The following SMG1 variants were observed in gnomAD, a reference collection of about 807,000 sequenced individuals.
SMG1 encodes the protein serine/threonine-protein kinase SMG1.
A neutral mutation model predicts 419.9 loss-of-function variants in SMG1; 22 were observed. That is an observed-to-expected ratio of 0.05 (90% CI 0.04 to 0.07). The LOEUF (loss-of-function observed/expected upper bound fraction) is 0.07, where lower values mean the gene tolerates loss of function less well. Among genes scored for constraint, SMG1 ranks in the 10% least tolerant of loss-of-function variants. The probability of loss-of-function intolerance (pLI) is 1.00; values close to 1 mark genes in which losing one functional copy is unlikely to be tolerated. For missense variants in SMG1, 3,185 were observed against 4,342.0 expected, an observed-to-expected ratio of 0.73 and a Z score of 7.49; for synonymous variants, 1,538 against 1,553.5, an observed-to-expected ratio of 0.99 and a Z score of 0.23.
At chr16:18,914,792 C>A (rs1460798117) in intron 1 of SMG1, among the ~76,000 whole-genome samples, 1 of 152,096 alleles carries the variant, frequency 6.6e-6, no homozygotes, top group Non-Finnish European at 1.5e-5. Context: ...GAAGGCTCAA[C>A]CCAGTGCTTA....
chr16:18,926,196 C>CGGA lies in SMG1; in HGVS notation c.-158_-156dup. 1.6e-6 allele frequency: 1 copy of CGGA among 638,756 alleles called. No individual in the cohort carries two copies. Among genetic ancestry groups the CGGA allele is most frequent in the South Asian group, 2.1e-5 (1 of 48,330 alleles). The allele number at this position is 638,756 out of a possible 1,614,324, so 39.6% of individuals were successfully genotyped here. ...GAGGAGGAGGAGAAGGAGGAGGCGG[C>CGGA]GGAGGGCGGGGGAAGAGGACGGCCG... On this transcript the variant is annotated 5_prime_UTR_variant, in exon 1 of 63. Transcript: ENST00000446231.
chr16:18,921,537 T>C (rs1172974149), intron 1 of SMG1, among the ~76,000 whole-genome samples: 2 of 152,204 alleles, frequency 1.3e-5, no homozygotes, highest in African/African-American at 4.8e-5. Context: ...CACTGAATTC[T>C]ATTTGACTCT....
In SMG1 at chr16:18,863,644, C is replaced by A; in HGVS notation, c.3695+6G>T. The A allele has an allele frequency of 6.3e-7, 1 of 1,592,716 alleles. No individual in the cohort carries two copies. The highest frequency in any genetic ancestry group is 8.5e-7 in the Non-Finnish European group (1 of 1,176,532). On this transcript the variant is annotated splice_donor_region_variant and intron_variant, in intron 25 of 62. Coordinates refer to ENST00000446231, the MANE Select transcript of SMG1 (RefSeq NM_015092.5). ...TTGTTTTATAACTGGAAAAAGTAAG[C>A]CTTACTTTATATAGTTGAAGTCAGC...
At chr16:18,903,662 T>C (rs1386403721) in intron 1 of SMG1, among the ~76,000 whole-genome samples, 1 of 152,224 alleles carries the variant, frequency 6.6e-6, no homozygotes, top group Non-Finnish European at 1.5e-5. Flanking sequence ...CTATTAGTTA[T>C]AACTTGATGA....
chr16:18,843,360 G>A (rs530683248), intron 39 of SMG1, among the ~76,000 whole-genome samples: 87 of 152,304 alleles, frequency 5.7e-4, no homozygotes, highest in African/African-American at 1.9e-3. Context: ...GACCACTTGA[G>A]GTTTGCAGAA....
At chr16:18,920,210 C>T (rs890783030) in intron 1 of SMG1, among the ~76,000 whole-genome samples, 2 of 151,866 alleles carry the variant, frequency 1.3e-5, no homozygotes, top group African/African-American at 2.4e-5. Context: ...GGTGAAACCC[C>T]GTCTCTACTA....
At chr16:18,819,138 A>C (rs1161427690) in intron 56 of SMG1, among the ~76,000 whole-genome samples, 1 of 152,202 alleles carries the variant, frequency 6.6e-6, no homozygotes, top group Non-Finnish European at 1.5e-5. Context: ...AGGTCTTAAG[A>C]CGTTTTATTG....
intron 23 of SMG1, among the ~76,000 whole-genome samples, chr16:18,864,865 T>G (rs1347641211): frequency 6.6e-6 from 1 of 152,092 alleles, no homozygotes; most frequent in Non-Finnish European, 1.5e-5. Flanking sequence ...AAACAGTGAG[T>G]CGACTATGGT....
intron 62 of SMG1, among the ~76,000 whole-genome samples, 168 bp downstream of exon 62, chr16:18,811,593 G>A (rs1049095915): frequency 2.6e-5 from 4 of 152,222 alleles, no homozygotes; most frequent in Non-Finnish European, 4.4e-5. Context: ...GAGTAAAATG[G>A]TGACTACTTG....
At chr16:18,882,572 TAAATC>T (rs1034874475) in intron 9 of SMG1, among the ~76,000 whole-genome samples, 1 of 152,174 alleles carries the variant, frequency 6.6e-6, no homozygotes, top group African/African-American at 2.4e-5. Flanking sequence ...AATAATCTCT[TAAATC>T]AACTCAGAAA....
chr16:18,921,008 T>C (rs576195548), intron 1 of SMG1, among the ~76,000 whole-genome samples: 10 of 152,092 alleles, frequency 6.6e-5, no homozygotes, highest in Non-Finnish European at 1.2e-4. Flanking sequence ...CATAGTGGCA[T>C]GTACCTGTAT....
At chr16:18,859,845 G>C (rs1442335560) in intron 26 of SMG1, 142 bp from the exon 27 acceptor site, 12 of 564,170 alleles carry the variant, frequency 2.1e-5, no homozygotes, top group South Asian at 5.4e-5. Context: ...GCATTACTGA[G>C]AGCTATATAA....
At position 18,919,650 on chromosome 16, in the gene SMG1, GTATA is replaced by G. The variant is rs1555507750; in HGVS notation, c.92+6296_92+6299del. Among the ~76,000 whole-genome samples, 108 of 82,064 alleles carry G rather than the reference GTATA, an allele frequency of 1.3e-3. 1 individual carries two copies. Among genetic ancestry groups the G allele is most frequent in the African/African-American group, 5.4e-3 (105 of 19,610 alleles). The allele number at this position is 82,064 out of a possible 152,430, so 53.8% of individuals were successfully genotyped here. A position where few individuals can be genotyped will look rare whatever the true frequency, so the allele number is the denominator to read the frequency against. On this transcript the variant is annotated intron_variant, in intron 1 of 62. Coordinates refer to ENST00000446231, the MANE Select transcript of SMG1 (RefSeq NM_015092.5). ...AAAAAAAAAATGTGTGTGTGTGTGT[GTATA>G]TATACACACACACACACACACACAC...
chr16:18,845,690 G>A (rs1036281055), intron 38 of SMG1, 39 bp from the exon 39 acceptor site: 8 of 1,475,260 alleles, frequency 5.4e-6, no homozygotes, highest in African/African-American at 2.8e-5. Flanking sequence ...ACTTAAATGT[G>A]TACATTAAAG....
intron 1 of SMG1, chr16:18,911,328 C>G (rs546465644): frequency 7.5e-6 from 1 of 133,290 alleles, no homozygotes; most frequent in South Asian, 2.6e-4. Flanking sequence ...AAGGTGAAAC[C>G]CTGTCTCTAC....
chr16:18,882,772 AG>A (rs1272923309), intron 9 of SMG1, among the ~76,000 whole-genome samples: 1 of 152,198 alleles, frequency 6.6e-6, no homozygotes, highest in South Asian at 2.1e-4. Context: ...GAGCAAAGGG[AG>A]ATTACAAGAC....
chr16:18,916,315 A>C (rs2037976246), intron 1 of SMG1, among the ~76,000 whole-genome samples: 1 of 151,538 alleles, frequency 6.6e-6, no homozygotes, highest in Non-Finnish European at 1.5e-5. Flanking sequence ...GGAGATCGAG[A>C]CCATCCTGGC....
At chr16:18,846,173 T>C (rs1007050189) in intron 38 of SMG1, among the ~76,000 whole-genome samples, 4 of 152,076 alleles carry the variant, frequency 2.6e-5, no homozygotes, top group African/African-American at 7.2e-5. Context: ...CTCTTTTCAA[T>C]GAACTAAATG....
In SMG1 at chr16:18,849,970, T is replaced by C. The variant is rs754949565; in HGVS notation, c.5440A>G (p.Thr1814Ala). 23 of 1,613,882 alleles carry C rather than the reference T, an allele frequency of 1.4e-5. No homozygotes were observed. The highest frequency in any genetic ancestry group is 1.3e-4 in the Admixed American group (8 of 60,004). ...RQYLEHGLET[T>A]PTAPWRGIIP... ...TCACCTCTCCATGGTGCAGTGGGTG[T>C]TGTCTCCAAGCCGTGCTCCAGATAC... Residue 1814 changes from threonine to alanine, a missense_variant, in exon 35 of 63, where the codon ACA becomes GCA. Physicochemically the swap from Thr to Ala is moderately conservative, Grantham distance 58 (BLOSUM62 0). Transcript: ENST00000446231.
Sources: gnomAD v4.1 joint callset for allele counts (sites outside exome capture counted in the v4.1 genomes callset) on GRCh38, gnomAD v4.1.1 for gene constraint, MANE v1.5 for transcripts, NCBI Gene and HGNC (gene_info 2026-07-23, HGNC 2026-07-21) for gene names.